Variants in HYDIN observed in about 807,000 individuals in gnomAD.
HYDIN encodes axonemal central pair apparatus protein HYDIN.
In HYDIN, 132 loss-of-function variants were observed where a neutral mutation model predicts 403.9. The ratio of observed to expected loss-of-function variants is 0.33; its 90% confidence interval spans 0.28 to 0.38. HYDIN has a LOEUF of 0.38. HYDIN is among the 10% of genes least tolerant of loss of function. The probability of loss-of-function intolerance (pLI) is 1.00; values close to 1 mark genes in which losing one functional copy is unlikely to be tolerated. For missense variants in HYDIN, 2,827 were observed against 5,009.5 expected, an observed-to-expected ratio of 0.56 and a Z score of 13.15; for synonymous variants, 1,202 against 1,891.7, an observed-to-expected ratio of 0.64 and a Z score of 9.46.
intron 4 of HYDIN, among the ~76,000 whole-genome samples, chr16:71,178,713 A>C (rs1261446901): frequency 1.3e-5 from 2 of 152,170 alleles, no homozygotes; most frequent in Non-Finnish European, 2.9e-5. Flanking sequence ...TTGGGAGTTC[A>C]CTACGTGTTA....
At chr16:70,894,309 C>G (rs2041660824) in intron 55 of HYDIN, 140 bp downstream of exon 55, 14 of 989,376 alleles carry the variant, frequency 1.4e-5, no homozygotes, top group Non-Finnish European at 2.0e-5. Flanking sequence ...GATAAGTTTC[C>G]CAGACACGCT....
At chr16:70,943,686 C>A in intron 42 of HYDIN, 126 bp downstream of exon 42, 3 of 1,342,160 alleles carry the variant, frequency 2.2e-6, no homozygotes, top group South Asian at 1.6e-5. Flanking sequence ...AAAAGACAAG[C>A]AAACGACTGC....
chr16:70,949,682 T>C (rs935353043), intron 41 of HYDIN, among the ~76,000 whole-genome samples: 5 of 152,156 alleles, frequency 3.3e-5, no homozygotes, highest in Non-Finnish European at 7.4e-5. Context: ...GCCATCTCCC[T>C]GGGTAAGTGC....
rs531478774 is a variant in HYDIN at position 70,997,877 on chromosome 16, T to C, written c.3645-5667A>G. 2.0e-5 allele frequency among the ~76,000 whole-genome samples: 3 copies of C among 148,820 alleles called. No individual in the cohort carries two copies. In the East Asian group the frequency reaches 5.9e-4, roughly 29 times the overall value. ...GATCTTGTTTTGCTCAAATGTTGTA[T>C]CAGATGGTCTACTATTTGTAAAAAA... On this transcript the variant is annotated intron_variant, in intron 23 of 85. Transcript: ENST00000393567.
intron 36 of HYDIN, among the ~76,000 whole-genome samples, chr16:70,965,821 A>G (rs1053754338): frequency 2.0e-5 from 3 of 151,978 alleles, no homozygotes; most frequent in Non-Finnish European, 4.4e-5. Flanking sequence ...TAAAGCATTA[A>G]TGAAAAGGAA....
chr16:70,988,983 G>A (rs1458783400), intron 25 of HYDIN, among the ~76,000 whole-genome samples: 1 of 152,076 alleles, frequency 6.6e-6, no homozygotes, highest in African/African-American at 2.4e-5. Flanking sequence ...GTAGAAAGAA[G>A]ATGGGAATTT....
At chr16:70,905,963 G>A (rs1181359645) in intron 50 of HYDIN, among the ~76,000 whole-genome samples, 1 of 151,578 alleles carries the variant, frequency 6.6e-6, no homozygotes, top group African/African-American at 2.4e-5. Context: ...AGCATCTCAG[G>A]GAATAAAGTG....
chr16:70,857,878 G>C lies in HYDIN; in HGVS notation c.12130-8C>G, dbSNP rs371312960. ...TGTGAACTGGAACACGATCTAACAAGACAATTTGGAACAGAGTGGTAAAAG... is the reference window on the plus strand; with the variant it reads ...TGTGAACTGGAACACGATCTAACAACACAATTTGGAACAGAGTGGTAAAAG... On this transcript the variant is annotated splice_region_variant and splice_polypyrimidine_tract_variant and intron_variant, in intron 71 of 85. Coordinates refer to ENST00000393567, the MANE Select transcript of HYDIN (RefSeq NM_001270974.2). 93 of 1,613,210 alleles carry C rather than the reference G, an allele frequency of 5.8e-5. No homozygotes were observed. Among genetic ancestry groups the C allele is most frequent in the East Asian group, 4.7e-4 (21 of 44,836 alleles).
intron 13 of HYDIN, among the ~76,000 whole-genome samples, chr16:71,077,769 C>G (rs980665802): frequency 6.6e-6 from 1 of 151,480 alleles, no homozygotes; most frequent in African/African-American, 2.4e-5. Context: ...ACTAATATTA[C>G]TAAATATACA....
Position 70,938,693 on chromosome 16 carries a change from C to T in HYDIN, c.6916G>A (p.Glu2306Lys), listed in dbSNP as rs2077574667. ...KERLQNMDEE[E>K]YDALTEEEKL... ...TCCTCCTCAGTCAGGGCATCATATT[C>T]TTCCTCATCCATGTTTTGGAGACGC... is the stretch of plus-strand genomic sequence containing the variant. The change falls in exon 44 of 86, where the codon GAA becomes AAA. Residue 2306 changes from glutamate to lysine, a missense_variant. Physicochemically the swap from Glu to Lys is moderately conservative, Grantham distance 56. Transcript: ENST00000393567. 7 of 1,613,844 alleles carry T rather than the reference C, an allele frequency of 4.3e-6. No individual in the cohort carries two copies. The highest frequency in any genetic ancestry group is 5.9e-6 in the Non-Finnish European group (7 of 1,179,874).
At chr16:70,887,079 T>C (rs556177354) in intron 58 of HYDIN, among the ~76,000 whole-genome samples, 1 of 152,348 alleles carries the variant, frequency 6.6e-6, no homozygotes, top group Non-Finnish European at 1.5e-5. Flanking sequence ...TCCCTGAGCA[T>C]CAATTCATTT....
chr16:71,146,384 G>GA lies in HYDIN; in HGVS notation c.841+6274dup, dbSNP rs1366045152. Among the ~76,000 whole-genome samples the GA allele has an allele frequency of 2.6e-5, 3 of 117,482 alleles. 1 individual carries two copies. Among genetic ancestry groups the GA allele is most frequent in the African/African-American group, 7.8e-5 (2 of 25,634 alleles). 77.1% of individuals were successfully genotyped at this position (117,482 alleles called of 152,430 possible). On this transcript the variant is annotated intron_variant, in intron 7 of 85. Transcript: ENST00000393567. ...CAACAAAAATACGGAGATCCAGAGA[G>GA]AAAAAAAATGTATCACTGACCATAT...
intron 79 of HYDIN, 145 bp from the exon 80 acceptor site, chr16:70,833,212 C>T: frequency 1.4e-6 from 1 of 691,978 alleles, no homozygotes; most frequent in Non-Finnish European, 2.3e-6. Flanking sequence ...AGATCTCTGC[C>T]AGACAGAGCA....
At chr16:70,939,234 AG>A (rs1310512862) in intron 43 of HYDIN, among the ~76,000 whole-genome samples, 1 of 152,232 alleles carries the variant, frequency 6.6e-6, no homozygotes, top group Admixed American at 6.5e-5. Context: ...GACAAGAAAA[AG>A]GGGCTACCTA....
rs57153160 is a variant in HYDIN at position 71,017,350 on chromosome 16, CAAAAAAA to C, written c.3644+772_3644+778del. 4.5e-3 allele frequency among the ~76,000 whole-genome samples: 484 copies of C among 108,644 alleles called. 1 individual carries two copies. Among genetic ancestry groups the C allele is most frequent in the Non-Finnish European group, 7.3e-3 (395 of 54,050 alleles). The allele number at this position is 108,644 out of a possible 152,430, so 71.3% of individuals were successfully genotyped here. Reference sequence around the variant, plus strand: ...GGGCGACAAGAGCGAAACTCTGTCTCAAAAAAAAAAAAAAAAAAAGTGTTTGGCAGTT... The same window carrying C: ...GGGCGACAAGAGCGAAACTCTGTCTCAAAAAAAAAAAAGTGTTTGGCAGTT... On this transcript the variant is annotated intron_variant, in intron 23 of 85. Transcript: ENST00000393567.
chr16:71,106,211 C>T (rs1349178889), intron 10 of HYDIN, among the ~76,000 whole-genome samples: 1 of 151,562 alleles, frequency 6.6e-6, no homozygotes, highest in Non-Finnish European at 1.5e-5. Flanking sequence ...CAGTCACACA[C>T]TAAGAACTTG....
At chr16:71,012,101 G>A (rs759034041) in intron 23 of HYDIN, among the ~76,000 whole-genome samples, 1 of 152,292 alleles carries the variant, frequency 6.6e-6, no homozygotes, top group African/African-American at 2.4e-5. Context: ...CTCCCTGACG[G>A]TTGGCTCTCT....
intron 23 of HYDIN, among the ~76,000 whole-genome samples, chr16:70,995,073 AAT>A (rs1367263089): frequency 6.6e-6 from 1 of 152,154 alleles, no homozygotes; most frequent in Non-Finnish European, 1.5e-5. Flanking sequence ...TCTGGAAATC[AAT>A]AGAGGAAGGC....
At chr16:70,911,636 A>T (rs1395626309) in intron 47 of HYDIN, among the ~76,000 whole-genome samples, 5 of 151,002 alleles carry the variant, frequency 3.3e-5, no homozygotes, top group African/African-American at 7.3e-5. Context: ...TTTTTTCCTA[A>T]TTCTGTGAAG....
Sources: allele counts gnomAD v4.1 joint callset (sites outside exome capture counted in the v4.1 genomes callset), GRCh38; gene constraint gnomAD v4.1.1; transcripts MANE v1.5; gene names NCBI Gene and HGNC (gene_info 2026-07-23, HGNC 2026-07-21).